Variants in FRAS1 observed in about 807,000 individuals in gnomAD.
FRAS1 encodes Fraser extracellular matrix complex subunit 1.
Under a neutral mutation model 435.2 loss-of-function variants are expected in FRAS1, and 290 were observed. The observed-to-expected ratio is 0.67, with a 90% CI of 0.61 to 0.73. The LOEUF is 0.73. FRAS1 is among the 30% of genes least tolerant of loss of function. The pLI is 0.00. For missense variants in FRAS1, 4,860 were observed against 5,001.5 expected (o/e 0.97, Z 0.85); for synonymous variants, 1,800 against 1,851.0 (o/e 0.97, Z 0.71).
rs530236279 is a variant in FRAS1, at chr4:78,255,611, A to G, written c.603+236A>G. Among the ~76,000 whole-genome samples, 2 of 152,346 alleles carry G rather than the reference A, an allele frequency of 1.3e-5. 1 individual carries two copies. Among genetic ancestry groups the G allele is most frequent in the African/African-American group, 4.8e-5 (2 of 41,594 alleles). On this transcript the variant is annotated intron_variant, in intron 6 of 73. Transcript: ENST00000512123. ...TGTTATATAATGCAACTGAGCCTTG[A>G]GGATTCACACAAGGAAGCCTCCAGC...
chr4:78,408,203 GA>G (rs200634585), intron 31 of FRAS1, among the ~76,000 whole-genome samples: 3,028 of 152,200 alleles, frequency 0.02, 105 homozygotes, highest in African/African-American at 0.068. Flanking sequence ...CAGTATGGGG[GA>G]AACTGCCCCC....
chr4:78,356,145 C>T (rs536124238), intron 20 of FRAS1, among the ~76,000 whole-genome samples: 3 of 152,186 alleles, frequency 2.0e-5, no homozygotes, highest in African/African-American at 7.2e-5. Flanking sequence ...TTTGGCTGGC[C>T]ACGGGGGTAG....
chr4:78,456,883 C>T lies in FRAS1; in HGVS notation c.6763+4529C>T, dbSNP rs546265378. Among the ~76,000 whole-genome samples the T allele has an allele frequency of 1.8e-4, 27 of 152,288 alleles. No individual in the cohort carries two copies. The East Asian group carries it at 4.4e-3, about 25-fold the overall frequency. The stretch of plus-strand genomic sequence containing the variant: ...TTGCTCTTAGTTTTAACTTTATTCC[C>T]GGTAGAGCATATTGAAATCAGCAGA... On this transcript the variant is annotated intron_variant, in intron 47 of 73. Coordinates refer to ENST00000512123, the MANE Select transcript of FRAS1 (RefSeq NM_025074.7).
chr4:78,478,642 G>A (rs900150398), intron 55 of FRAS1, among the ~76,000 whole-genome samples: 2 of 152,220 alleles, frequency 1.3e-5, no homozygotes, highest in Non-Finnish European at 2.9e-5. Context: ...AATTTTGATT[G>A]TGCAAGATTG....
At chr4:78,497,246 A>G (rs1325042617) in intron 60 of FRAS1, among the ~76,000 whole-genome samples, 1 of 152,170 alleles carries the variant, frequency 6.6e-6, no homozygotes, top group Non-Finnish European at 1.5e-5. Flanking sequence ...AATAAAAGCC[A>G]TTTAAGTCAC....
chr4:78,260,647 A>C (rs1256921403), intron 6 of FRAS1, among the ~76,000 whole-genome samples: 5 of 152,084 alleles, frequency 3.3e-5, no homozygotes, highest in Non-Finnish European at 7.4e-5. Context: ...TGTCATCTGC[A>C]AACAGGGACA....
In FRAS1 at chr4:78,135,497, C is replaced by G. The variant is rs965732092; in HGVS notation, c.108+69481C>G. On this transcript the variant is annotated intron_variant, in intron 2 of 73. Transcript: ENST00000512123. ...ATGGAAATACTTGGGCTGTTTCTTG[C>G]AAAATTCAGGATATTTATGTAAGCA... is the stretch of plus-strand genomic sequence containing the variant. Among the ~76,000 whole-genome samples, 3 of 152,244 alleles carry G rather than the reference C, an allele frequency of 2.0e-5. No individual in the cohort carries two copies. The South Asian group carries it at 6.2e-4, about 32-fold the overall frequency.
intron 59 of FRAS1, among the ~76,000 whole-genome samples, chr4:78,495,444 G>C (rs1429152630): frequency 3.9e-5 from 6 of 152,072 alleles, no homozygotes; most frequent in Non-Finnish European, 1.5e-5. Flanking sequence ...AAAAATAAAA[G>C]TGATAGCTTC....
chr4:78,216,543 G>A (rs1723775923), intron 2 of FRAS1, among the ~76,000 whole-genome samples: 2 of 152,194 alleles, frequency 1.3e-5, no homozygotes, highest in South Asian at 4.1e-4. Flanking sequence ...AGATAATAGG[G>A]ATAATAGAGA....
At chr4:78,227,300 G>A (rs1174135322) in intron 2 of FRAS1, among the ~76,000 whole-genome samples, 7 of 152,286 alleles carry the variant, frequency 4.6e-5, no homozygotes, top group Non-Finnish European at 8.8e-5. Context: ...TTTTCTTGGT[G>A]CAGTTATGTC....
intron 32 of FRAS1, among the ~76,000 whole-genome samples, chr4:78,414,880 T>C (rs1449543363): frequency 6.6e-6 from 1 of 151,996 alleles, no homozygotes; most frequent in Admixed American, 6.6e-5. Flanking sequence ...GCAGGGATAA[T>C]ACAATAATAA....
intron 26 of FRAS1, among the ~76,000 whole-genome samples, chr4:78,377,628 T>C (rs529751204): frequency 6.6e-6 from 1 of 152,342 alleles, no homozygotes; most frequent in Admixed American, 6.5e-5. Flanking sequence ...GTATTTCACA[T>C]GAATTCTAAG....
chr4:78,303,762 C>A (rs1728550082), intron 14 of FRAS1, among the ~76,000 whole-genome samples: 2 of 152,070 alleles, frequency 1.3e-5, no homozygotes, highest in Non-Finnish European at 2.9e-5. Flanking sequence ...TGGGCTGAGA[C>A]AGTGGGGTTT....
chr4:78,358,674 C>CA (rs1348139836), intron 20 of FRAS1, among the ~76,000 whole-genome samples: 1 of 152,156 alleles, frequency 6.6e-6, no homozygotes, highest in Non-Finnish European at 1.5e-5. Flanking sequence ...TGTACCCTTT[C>CA]AACATAGTCC....
intron 1 of FRAS1, among the ~76,000 whole-genome samples, chr4:78,059,557 T>G (rs973466941): frequency 2.0e-5 from 3 of 149,320 alleles, no homozygotes; most frequent in African/African-American, 7.4e-5. Context: ...ATAAACCAGA[T>G]GAGAGAGTCA....
chr4:78,540,853 C>T lies in FRAS1; in HGVS notation c.11768C>T (p.Ala3923Val). The change falls in exon 74 of 74, where the codon GCT becomes GTT. Residue 3923 changes from alanine to valine, a missense_variant. Ala to Val is a moderately conservative substitution (Grantham distance 64, BLOSUM62 0). Coordinates refer to ENST00000512123, the MANE Select transcript of FRAS1 (RefSeq NM_025074.7). ...CTTCTACTTCTGGTGTTTTTGGTGGCTTGTTTTATCAACAGGAAATGCCAG... is the reference window on the plus strand; with the variant it reads ...CTTCTACTTCTGGTGTTTTTGGTGGTTTGTTTTATCAACAGGAAATGCCAG... Reference protein sequence around the residue: ...IMLLLLVFLVACFINRKCQKQ... With the variant: ...IMLLLLVFLVVCFINRKCQKQ... 6.2e-7 allele frequency: 1 copy of T among 1,613,936 alleles called. No individual in the cohort carries two copies.
chr4:78,453,766 G>A (rs1475708234), intron 47 of FRAS1, among the ~76,000 whole-genome samples: 2 of 150,674 alleles, frequency 1.3e-5, no homozygotes, highest in Middle Eastern at 3.4e-3. Flanking sequence ...ACACTGCACT[G>A]CAGCTTGGTG....
chr4:78,503,516 A>G (rs1720741876), intron 61 of FRAS1, among the ~76,000 whole-genome samples: 2 of 152,174 alleles, frequency 1.3e-5, no homozygotes, highest in South Asian at 2.1e-4. Flanking sequence ...TGTTTATAGT[A>G]TTCTCTGATG....
Position 78,387,471 on chromosome 4 carries a change from C to A in FRAS1, c.3745C>A (p.Pro1249Thr). 1 of 1,613,706 alleles carries A rather than the reference C, an allele frequency of 6.2e-7. No homozygotes were observed. The highest frequency in any genetic ancestry group is 8.5e-7 in the Non-Finnish European group (1 of 1,179,762). Reference sequence around the variant, plus strand: ...GCTTGACATCCGAGATGATGACAACCCACAGGATGTGGTCATTGAAATAAT... The same window carrying A: ...GCTTGACATCCGAGATGATGACAACACACAGGATGTGGTCATTGAAATAAT... The part of the protein sequence containing the change: ...QMLDIRDDDN[P>T]QDVVIEIIDP... Residue 1249 changes from proline (P) to threonine (T), a missense_variant, in exon 29 of 74, where the codon CCA becomes ACA. Coordinates refer to ENST00000512123, the MANE Select transcript of FRAS1 (RefSeq NM_025074.7).
Sources: gnomAD v4.1 joint callset for allele counts (sites outside exome capture counted in the v4.1 genomes callset) on GRCh38, gnomAD v4.1.1 for gene constraint, MANE v1.5 for transcripts, NCBI Gene and HGNC (gene_info 2026-07-23, HGNC 2026-07-21) for gene names.